Variants in TTC21B observed in about 807,000 individuals in gnomAD.
The protein encoded by TTC21B is tetratricopeptide repeat domain 21B.
TTC21B carries 127 observed loss-of-function variants against 175.1 expected under a neutral mutation model. That is an observed-to-expected ratio of 0.73 (90% CI 0.63 to 0.84). The LOEUF (loss-of-function observed/expected upper bound fraction) is 0.84, where lower values mean the gene tolerates loss of function less well. Ranked by LOEUF, TTC21B falls within the 40% of genes least tolerant of loss-of-function variation. The pLI, the probability that TTC21B is intolerant of heterozygous loss-of-function variation, is 0.00. For synonymous variants in TTC21B, 524 were observed against 524.5 expected (o/e 1.00, Z 0.01); for missense variants, 1,561 against 1,558.3 (o/e 1.00, Z -0.03).
intron 7 of TTC21B, among the ~76,000 whole-genome samples, chr2:165,932,502 G>A (rs1450717280): frequency 5.9e-5 from 9 of 152,038 alleles, no homozygotes; most frequent in Admixed American, 3.9e-4. Context: ...CAGTCAATGT[G>A]TTCACTACTA....
In TTC21B at chr2:165,945,625, C is replaced by T. The variant is rs750975405; in HGVS notation, c.328G>A (p.Ala110Thr). The T allele has an allele frequency of 2.5e-6, 4 of 1,613,654 alleles. No individual in the cohort carries two copies. Among genetic ancestry groups the T allele is most frequent in the South Asian group, 1.1e-5 (1 of 91,080 alleles). The change falls in exon 4 of 29, where the codon GCC (alanine) becomes ACC (threonine). Residue 110 changes from alanine to threonine, a missense_variant. Coordinates refer to ENST00000243344, the MANE Select transcript of TTC21B (RefSeq NM_024753.5). ...AAAAATAAGCCTGCATGGTATAAGG[C>T]TTTCTCTCCAGCTCCTTTACGTTGT... The part of the protein sequence containing the change: ...KEQRKGAGEK[A>T]LYHAGLFLWH...
In TTC21B at chr2:165,925,911, T is replaced by C. The variant is rs1686608918; in HGVS notation, c.1387-1233A>G. Among the ~76,000 whole-genome samples, 6 of 152,206 alleles carry C rather than the reference T, an allele frequency of 3.9e-5. No homozygotes were observed. The South Asian group carries it at 1.2e-3, about 31-fold the overall frequency. On this transcript the variant is annotated intron_variant, in intron 11 of 28. Transcript: ENST00000243344. ...GTAAGTGATGGTGAGGTTATGATAA[T>C]GTTCTTTGTCACCTGCTAAGAATGA...
chr2:165,914,913 T>G (rs1358206113), intron 15 of TTC21B, among the ~76,000 whole-genome samples: 1 of 152,052 alleles, frequency 6.6e-6, no homozygotes, highest in African/African-American at 2.4e-5. Context: ...GAACACAGGG[T>G]ACAATTTCCC....
intron 19 of TTC21B, among the ~76,000 whole-genome samples, chr2:165,905,817 A>T (rs1184329741): frequency 6.6e-6 from 1 of 152,230 alleles, no homozygotes; most frequent in East Asian, 1.9e-4. Context: ...CCTAATTGAC[A>T]TACGGTTGAA....
intron 9 of TTC21B, 41 bp downstream of exon 9, chr2:165,930,131 T>C (rs771189814): frequency 2.3e-5 from 36 of 1,576,416 alleles, no homozygotes; most frequent in Middle Eastern, 1.7e-4. Context: ...AATTGCTACT[T>C]GTATCTATAT....
chr2:165,881,540 AT>A (rs1048762828), intron 26 of TTC21B, among the ~76,000 whole-genome samples: 1 of 152,260 alleles, frequency 6.6e-6, no homozygotes, highest in Admixed American at 6.5e-5. Flanking sequence ...AAGAATATTT[AT>A]CCCCGAGTTT....
intron 6 of TTC21B, 87 bp from the exon 7 acceptor site, chr2:165,933,144 A>G (rs758686955): frequency 9.7e-7 from 1 of 1,033,304 alleles, no homozygotes; most frequent in Non-Finnish European, 1.5e-6. Flanking sequence ...TGCTTGCCTC[A>G]CTATTCCACT....
In TTC21B at chr2:165,888,431, T is replaced by A. The variant is rs1409357258; in HGVS notation, c.3307A>T (p.Thr1103Ser). The A allele has an allele frequency of 6.2e-7, 1 of 1,613,810 alleles. No individual in the cohort carries two copies. The highest frequency in any genetic ancestry group is 8.5e-7 in the Non-Finnish European group (1 of 1,179,922). Residue 1103 changes from threonine to serine, a missense_variant, in exon 25 of 29, where the codon ACA (threonine) becomes TCA (serine). Coordinates refer to ENST00000243344, the MANE Select transcript of TTC21B (RefSeq NM_024753.5). The stretch of plus-strand genomic sequence containing the variant: ...AGTTCCTTAAGAAGTTTTTCTGCTG[T>A]TCTTACTGCCAGTTGCACAGATTCT... The part of the protein sequence containing the change: ...KQESVQLAVR[T>S]AEKLLKELKP...
At chr2:165,912,712 C>T in intron 16 of TTC21B, 88 bp from the exon 17 acceptor site, 1 of 944,590 alleles carries the variant, frequency 1.1e-6, no homozygotes, top group Non-Finnish European at 1.7e-6. Flanking sequence ...TTAATCTCTA[C>T]ATTTGTAATA....
chr2:165,911,004 AAAG>A lies in TTC21B; in HGVS notation c.2461+320_2461+322del, dbSNP rs142633603. On this transcript the variant is annotated intron_variant, in intron 18 of 28. Coordinates refer to ENST00000243344, the MANE Select transcript of TTC21B (RefSeq NM_024753.5). Reference sequence around the variant, plus strand: ...TCTTTTATAGAGCTTGAATTTTAAAAAAGAAGCATGCTACTTTTTAAAAAAGAT... The same window carrying A: ...TCTTTTATAGAGCTTGAATTTTAAAAAAGCATGCTACTTTTTAAAAAAGAT... Among the ~76,000 whole-genome samples, 1,813 of 152,294 alleles carry A rather than the reference AAAG, an allele frequency of 0.012. 36 individuals are homozygous for A. The highest frequency in any genetic ancestry group is 0.041 in the African/African-American group (1,715 of 41,564).
At chr2:165,933,207 T>C in intron 6 of TTC21B, 150 bp from the exon 7 acceptor site, 1 of 630,222 alleles carries the variant, frequency 1.6e-6, no homozygotes, top group Admixed American at 2.8e-5. Context: ...GTGAAAATTA[T>C]CAACTTTATT....
chr2:165,899,818 C>T lies in TTC21B; in HGVS notation c.2820G>A (p.Gln940=). 1.9e-6 allele frequency: 3 copies of T among 1,614,056 alleles called. No individual in the cohort carries two copies. The highest frequency in any genetic ancestry group is 1.1e-5 in the South Asian group (1 of 91,086). ...GGTCACTCTGAAGCAGTAGAGCACA[C>T]TGCCGCAGGCAGGAATCAGGGTCAT... is the stretch of plus-strand genomic sequence containing the variant. ...AQDDPDSCLR[Q]CALLLQSDQD... The change falls in exon 21 of 29, where the codon CAG becomes CAA. Residue 940 remains glutamine, a synonymous_variant. Transcript: ENST00000243344.
At chr2:165,914,698 T>TGTGTGCGCGCGCGCGCGCGCGCG (rs71031214) in intron 15 of TTC21B, among the ~76,000 whole-genome samples, 1 of 132,374 alleles carries the variant, frequency 7.6e-6, no homozygotes, top group African/African-American at 3.1e-5. Flanking sequence ...TGTGTGTGTG[T>TGTGTGCGCGCGCGCGCGCGCGCG]TGTGTATCCC....
intron 18 of TTC21B, among the ~76,000 whole-genome samples, chr2:165,908,384 TA>T (rs1217650417): frequency 6.6e-6 from 1 of 152,182 alleles, no homozygotes; most frequent in African/African-American, 2.4e-5. Flanking sequence ...AATAAGTTAC[TA>T]AATAAGTTAA....
Position 165,915,332 on chromosome 2 carries a change from A to G in TTC21B, c.2007T>C (p.Asp669=), listed in dbSNP as rs138449110. 3.2e-5 allele frequency: 52 copies of G among 1,613,986 alleles called. No individual in the cohort carries two copies. Among genetic ancestry groups the G allele is most frequent in the Middle Eastern group, 3.3e-4 (2 of 6,080 alleles). The change falls in exon 15 of 29, where the codon GAT becomes GAC. Residue 669 remains aspartate (D), a synonymous_variant. Transcript: ENST00000243344. ...GAAGGATGCTTAAAGCCCGTTCAAT[A>G]TCTCCTTGGGCTAGAGCAAGGTCTG... ...ANADLALAQG[D]IERALSILQN...
intron 3 of TTC21B, chr2:165,949,131 A>G: frequency 2.2e-6 from 1 of 457,254 alleles, no homozygotes; most frequent in South Asian, 2.5e-5. Flanking sequence ...AATTACTAAT[A>G]TACATTCCCT....
At chr2:165,896,468 T>C (rs1246861069) in intron 22 of TTC21B, among the ~76,000 whole-genome samples, 2 of 152,186 alleles carry the variant, frequency 1.3e-5, no homozygotes, top group East Asian at 3.8e-4. Flanking sequence ...TTGTAGTTTT[T>C]TGCTTTTGTT....
At chr2:165,939,113 A>G (rs1195609657) in intron 6 of TTC21B, among the ~76,000 whole-genome samples, 1 of 152,184 alleles carries the variant, frequency 6.6e-6, no homozygotes, top group Non-Finnish European at 1.5e-5. Context: ...ATGGGAGTTT[A>G]GTCATGTGGT....
chr2:165,945,629 C>T lies in TTC21B; in HGVS notation c.324G>A (p.Glu108=). 1 of 1,613,794 alleles carries T rather than the reference C, an allele frequency of 6.2e-7. No individual in the cohort carries two copies. Among genetic ancestry groups the T allele is most frequent in the Non-Finnish European group, 8.5e-7 (1 of 1,179,934 alleles). The part of the protein sequence containing the change: ...RVKEQRKGAG[E]KALYHAGLFL... Reference sequence around the variant, plus strand: ...ATAAGCCTGCATGGTATAAGGCTTTCTCTCCAGCTCCTTTACGTTGTTCCT... The same window carrying T: ...ATAAGCCTGCATGGTATAAGGCTTTTTCTCCAGCTCCTTTACGTTGTTCCT... The change falls in exon 4 of 29, where the codon GAG becomes GAA. Residue 108 remains glutamate (E), a synonymous_variant. Transcript: ENST00000243344.
Sources: gnomAD v4.1 joint callset for allele counts (sites outside exome capture counted in the v4.1 genomes callset) on GRCh38, gnomAD v4.1.1 for gene constraint, MANE v1.5 for transcripts, NCBI Gene and HGNC (gene_info 2026-07-23, HGNC 2026-07-21) for gene names.